Variants in NDUFS4 observed in about 807,000 individuals in gnomAD.
NDUFS4 encodes NADH:ubiquinone oxidoreductase subunit S4, also known as NADH dehydrogenase [ubiquinone] iron-sulfur protein 4, mitochondrial.
In NDUFS4, 28 loss-of-function variants were observed where a neutral mutation model predicts 24.3. The ratio of observed to expected loss-of-function variants is 1.15; its 90% CI spans 0.85 to 1.58. The LOEUF is 1.58. Among genes scored for constraint, NDUFS4 ranks in the 40% most tolerant of loss-of-function variants. NDUFS4 has a pLI of 0.00. For missense variants in NDUFS4, 223 were observed against 207.9 expected (o/e 1.07, Z -0.45); for synonymous variants, 93 against 69.7 (o/e 1.34, Z -1.67).
At position 53,628,109 on chromosome 5, in the gene NDUFS4, G is replaced by A. The variant is rs548045495; in HGVS notation, c.178-18124G>A. ...GCATGAAGGGCTGTTGAATTTTGTC[G>A]AAGGCCTTTTCTGCATCTATTGAGA... is the stretch of plus-strand genomic sequence containing the variant. On this transcript the variant is annotated intron_variant, in intron 2 of 4. Transcript: ENST00000296684. Among the ~76,000 whole-genome samples, 12 of 152,138 alleles carry A rather than the reference G, an allele frequency of 7.9e-5. 1 individual carries two copies. The highest frequency in any genetic ancestry group is 3.9e-4 in the East Asian group (2 of 5,184).
chr5:53,658,677 C>T, intron 4 of NDUFS4, 53 bp downstream of exon 4: 2 of 1,492,788 alleles, frequency 1.3e-6, no homozygotes, highest in Non-Finnish European at 1.9e-6. Context: ...ATGTTCTTAA[C>T]CTTAATTAAA....
At chr5:53,671,286 A>G (rs904327285) in intron 4 of NDUFS4, among the ~76,000 whole-genome samples, 1 of 151,990 alleles carries the variant, frequency 6.6e-6, no homozygotes, top group African/African-American at 2.4e-5. Context: ...CCCTCAGCTT[A>G]TATCTTTTTT....
intron 4 of NDUFS4, among the ~76,000 whole-genome samples, chr5:53,679,964 T>G (rs1360028611): frequency 6.6e-6 from 1 of 152,164 alleles, no homozygotes; most frequent in Non-Finnish European, 1.5e-5. Context: ...CATATATTTA[T>G]TTTACAGGAT....
intron 1 of NDUFS4, among the ~76,000 whole-genome samples, chr5:53,595,462 CCTT>C (rs1205091832): frequency 2.0e-5 from 3 of 152,082 alleles, no homozygotes; most frequent in Admixed American, 6.6e-5. Flanking sequence ...AATGATTTGA[CCTT>C]CTTAAATGTG....
At chr5:53,666,412 G>A (rs1432419207) in intron 4 of NDUFS4, among the ~76,000 whole-genome samples, 1 of 152,126 alleles carries the variant, frequency 6.6e-6, no homozygotes, top group African/African-American at 2.4e-5. Context: ...ACCTCCCCGG[G>A]AAAGAAAACT....
At chr5:53,595,623 C>A (rs1225989077) in intron 1 of NDUFS4, among the ~76,000 whole-genome samples, 2 of 152,170 alleles carry the variant, frequency 1.3e-5, no homozygotes, top group Admixed American at 6.5e-5. Context: ...CATTTTCCGT[C>A]ACACCCTCCG....
chr5:53,562,010 C>CT lies in NDUFS4; in HGVS notation c.98+1261dup, dbSNP rs4147746. 7.1e-3 allele frequency among the ~76,000 whole-genome samples: 1,037 copies of CT among 146,188 alleles called. 9 individuals carry two copies. The highest frequency in any genetic ancestry group is 0.013 in the South Asian group (59 of 4,588). ...GAAAGTATTTTTCCTTTTTCTTTCT[C>CT]TTTTTTTTTTTGAGATACATTCTCA... On this transcript the variant is annotated intron_variant, in intron 1 of 4. Coordinates refer to ENST00000296684, the MANE Select transcript of NDUFS4 (RefSeq NM_002495.4).
chr5:53,647,149 G>A (rs911063735), intron 3 of NDUFS4, among the ~76,000 whole-genome samples: 3 of 151,106 alleles, frequency 2.0e-5, no homozygotes, highest in Admixed American at 1.3e-4. Flanking sequence ...TAACTTGAGG[G>A]AAACTTATAA....
chr5:53,565,079 A>T (rs895262151), intron 1 of NDUFS4, among the ~76,000 whole-genome samples: 9 of 152,222 alleles, frequency 5.9e-5, no homozygotes, highest in Non-Finnish European at 1.2e-4. Context: ...ATGATATACC[A>T]TGTCAAACAG....
chr5:53,629,415 T>G (rs1751332211), intron 2 of NDUFS4, among the ~76,000 whole-genome samples: 1 of 152,142 alleles, frequency 6.6e-6, no homozygotes, highest in Non-Finnish European at 1.5e-5. Flanking sequence ...CAGAGCTGAG[T>G]TCAGGTCCTG....
chr5:53,606,548 G>A (rs961106134), intron 2 of NDUFS4, among the ~76,000 whole-genome samples: 6 of 152,140 alleles, frequency 3.9e-5, no homozygotes, highest in Non-Finnish European at 5.9e-5. Context: ...TGTACTTTTA[G>A]TAGAGACGGT....
intron 1 of NDUFS4, among the ~76,000 whole-genome samples, chr5:53,587,410 T>A (rs960161928): frequency 6.6e-6 from 1 of 152,066 alleles, no homozygotes; most frequent in Admixed American, 6.5e-5. Context: ...AGATTTAACA[T>A]GGTTAGTGGT....
chr5:53,617,365 A>G (rs866154954), intron 2 of NDUFS4, among the ~76,000 whole-genome samples: 1 of 151,944 alleles, frequency 6.6e-6, no homozygotes, highest in Non-Finnish European at 1.5e-5. Flanking sequence ...CTGACTATGT[A>G]GCTGTAGGTC....
intron 2 of NDUFS4, among the ~76,000 whole-genome samples, chr5:53,637,426 G>A (rs1262251432): frequency 2.0e-5 from 3 of 152,168 alleles, no homozygotes; most frequent in Non-Finnish European, 4.4e-5. Context: ...AATATAAGCA[G>A]TAAATACACA....
At chr5:53,621,962 A>C (rs1236337011) in intron 2 of NDUFS4, among the ~76,000 whole-genome samples, 2 of 151,886 alleles carry the variant, frequency 1.3e-5, no homozygotes, top group Non-Finnish European at 2.9e-5. Flanking sequence ...GGCCTCCCAA[A>C]GTGCTGGGAT....
At chr5:53,653,532 CAAGTA>C (rs1226465945) in intron 3 of NDUFS4, among the ~76,000 whole-genome samples, 2 of 151,892 alleles carry the variant, frequency 1.3e-5, no homozygotes, top group African/African-American at 2.4e-5. Context: ...GACTTTTGAA[CAAGTA>C]AATGACTGTG....
intron 1 of NDUFS4, among the ~76,000 whole-genome samples, chr5:53,600,073 C>T (rs529395404): frequency 6.6e-6 from 1 of 152,086 alleles, no homozygotes; most frequent in East Asian, 1.9e-4. Flanking sequence ...GATCTCAGCT[C>T]ACTGCAGCCT....
intron 4 of NDUFS4, among the ~76,000 whole-genome samples, chr5:53,671,318 C>G (rs1001700544): frequency 6.6e-6 from 1 of 152,020 alleles, no homozygotes; most frequent in South Asian, 2.1e-4. Flanking sequence ...TCTTCTTTAC[C>G]TCACTTCTTA....
intron 2 of NDUFS4, among the ~76,000 whole-genome samples, chr5:53,645,075 C>T (rs1378008958): frequency 2.0e-5 from 3 of 152,040 alleles, no homozygotes; most frequent in Non-Finnish European, 4.4e-5. Flanking sequence ...ATTATAATGA[C>T]ATAAAAATTC....
Sources: gnomAD v4.1 joint callset for allele counts (sites outside exome capture counted in the v4.1 genomes callset) on GRCh38, gnomAD v4.1.1 for gene constraint, MANE v1.5 for transcripts, NCBI Gene and HGNC (gene_info 2026-07-23, HGNC 2026-07-21) for gene names.